The following NFILZ variants were observed in gnomAD, a reference collection of about 807,000 sequenced individuals.
NFILZ encodes the protein NFIL3 like basic leucine zipper, also known as NFIL3 like protein.
chr19:8,674,796 A>G (rs903718743), intron 4 of NFILZ, among the ~76,000 whole-genome samples, 196 bp downstream of exon 4: 1 of 152,146 alleles, frequency 6.6e-6, no homozygotes, highest in Non-Finnish European at 1.5e-5. Flanking sequence ...TCACATAACC[A>G]TGTAGCAACA....
At chr19:8,657,647 C>T (rs1047925494) in intron 3 of NFILZ, among the ~76,000 whole-genome samples, 2 of 152,238 alleles carry the variant, frequency 1.3e-5, no homozygotes, top group Non-Finnish European at 1.5e-5. Flanking sequence ...AAATCTCTCT[C>T]CGTCTCTACC....
intron 3 of NFILZ, 78 bp downstream of exon 3, chr19:8,635,824 T>A (rs2042891870): frequency 6.6e-6 from 1 of 152,014 alleles, no homozygotes; most frequent in African/African-American, 2.4e-5. Context: ...TCTTTCTCTC[T>A]TTATTTATTT....
chr19:8,647,900 C>T (rs1039837444), intron 3 of NFILZ, among the ~76,000 whole-genome samples: 13 of 150,930 alleles, frequency 8.6e-5, no homozygotes, highest in African/African-American at 2.9e-4. Flanking sequence ...AAGCCAGGTG[C>T]GGTGGCTCGT....
At chr19:8,654,317 T>TG (rs1555748094) in intron 3 of NFILZ, among the ~76,000 whole-genome samples, 3 of 19,806 alleles carry the variant, frequency 1.5e-4, no homozygotes, top group South Asian at 1.4e-3. Context: ...CAAAAGCTAC[T>TG]GAAAAAAAAA....
intron 3 of NFILZ, among the ~76,000 whole-genome samples, chr19:8,640,495 C>T (rs538557758): frequency 3.3e-5 from 5 of 152,064 alleles, no homozygotes; most frequent in South Asian, 2.1e-4. Flanking sequence ...TTAGGACACC[C>T]GGGGCCAATG....
rs566784509 is a variant in NFILZ at position 8,678,015 on chromosome 19, C to T, written c.*380C>T. On this transcript the variant is annotated 3_prime_UTR_variant, in exon 6 of 6. Coordinates refer to ENST00000691075, the MANE Select transcript of NFILZ (RefSeq NM_001378600.1). ...TTATCCATCCATCCATTAGTCCCTC[C>T]ATCCTTATCCATCTATCCATCCATC... Among the ~76,000 whole-genome samples the T allele has an allele frequency of 6.9e-6, 1 of 145,146 alleles. No individual in the cohort carries two copies. Among genetic ancestry groups the T allele is most frequent in the South Asian group, 2.2e-4 (1 of 4,502 alleles).
At chr19:8,673,014 G>A (rs1054682517) in intron 3 of NFILZ, among the ~76,000 whole-genome samples, 7 of 152,082 alleles carry the variant, frequency 4.6e-5, no homozygotes. Context: ...AAATGCTTGG[G>A]CGGGGACCAG....
intron 3 of NFILZ, among the ~76,000 whole-genome samples, chr19:8,656,278 CCTT>C: frequency 8.2e-6 from 1 of 121,676 alleles, no homozygotes; most frequent in Admixed American, 9.0e-5. Flanking sequence ...CTGAAGCCCA[CCTT>C]CTCCCCACAG....
chr19:8,650,404 C>T (rs1020464978), intron 3 of NFILZ, among the ~76,000 whole-genome samples: 4 of 151,982 alleles, frequency 2.6e-5, no homozygotes, highest in African/African-American at 9.7e-5. Flanking sequence ...CCTGTAATCC[C>T]AGCACTTTGG....
intron 3 of NFILZ, among the ~76,000 whole-genome samples, chr19:8,665,063 C>T (rs900211169): frequency 1.3e-5 from 2 of 152,102 alleles, no homozygotes; most frequent in Non-Finnish European, 2.9e-5. Flanking sequence ...ATATCTCACA[C>T]TCTTATATTT....
At chr19:8,655,595 G>T (rs1339116906) in intron 3 of NFILZ, among the ~76,000 whole-genome samples, 6 of 152,174 alleles carry the variant, frequency 3.9e-5, no homozygotes. Context: ...TGAGGCTCAC[G>T]TGGGACTCAC....
intron 3 of NFILZ, among the ~76,000 whole-genome samples, chr19:8,656,646 T>C (rs534833276): frequency 2.6e-5 from 4 of 152,282 alleles, no homozygotes; most frequent in East Asian, 3.9e-4. Flanking sequence ...ACAGCACAGC[T>C]GCCGCCGCCC....
intron 3 of NFILZ, among the ~76,000 whole-genome samples, chr19:8,652,585 T>G (rs2042969006): frequency 6.6e-6 from 1 of 152,220 alleles, no homozygotes; most frequent in Admixed American, 6.5e-5. Flanking sequence ...GGCAAGAAAA[T>G]AAAATGTTAC....
chr19:8,651,471 T>C (rs1555747720), intron 3 of NFILZ, among the ~76,000 whole-genome samples: 2 of 151,270 alleles, frequency 1.3e-5, no homozygotes, highest in Admixed American at 6.6e-5. Flanking sequence ...CTTCAATAAG[T>C]TATTGTTAAC....
At chr19:8,636,024 A>G (rs555053667) in intron 3 of NFILZ, among the ~76,000 whole-genome samples, 1 of 151,918 alleles carries the variant, frequency 6.6e-6, no homozygotes, top group Admixed American at 6.6e-5. Context: ...TTTAGTAGAG[A>G]GGGGGTTTCA....
chr19:8,672,666 C>G (rs1368567895), intron 3 of NFILZ, among the ~76,000 whole-genome samples: 1 of 152,084 alleles, frequency 6.6e-6, no homozygotes, highest in African/African-American at 2.4e-5. Flanking sequence ...TGCCAAAAAT[C>G]CATGCATTTA....
intron 3 of NFILZ, among the ~76,000 whole-genome samples, chr19:8,669,833 G>C (rs1555750132): frequency 6.6e-6 from 1 of 152,182 alleles, no homozygotes; most frequent in East Asian, 1.9e-4. Context: ...TGAGTGAAAA[G>C]TGAGATGTTC....
intron 3 of NFILZ, among the ~76,000 whole-genome samples, chr19:8,652,247 C>T (rs1474131802): frequency 1.3e-5 from 2 of 152,028 alleles, no homozygotes; most frequent in Non-Finnish European, 2.9e-5. Context: ...GGACTACAGG[C>T]GCCCGCCACC....
rs184575510 is a variant in NFILZ at position 8,642,067 on chromosome 19, C to G, written c.-164+6321C>G. On this transcript the variant is annotated intron_variant, in intron 3 of 5. Coordinates refer to ENST00000691075, the MANE Select transcript of NFILZ (RefSeq NM_001378600.1). The stretch of plus-strand genomic sequence containing the variant: ...ATGTTGGCCAGGCTGATCTTGAACT[C>G]TTGGGCTCAAGTGATCTTCCTGCCT... Among the ~76,000 whole-genome samples the G allele has an allele frequency of 3.9e-5, 6 of 152,148 alleles. No individual in the cohort carries two copies. The East Asian group carries it at 1.2e-3, about 29-fold the overall frequency.
Sources: gnomAD v4.1 joint callset for allele counts (sites outside exome capture counted in the v4.1 genomes callset) on GRCh38, gnomAD v4.1.1 for gene constraint, MANE v1.5 for transcripts, NCBI Gene and HGNC (gene_info 2026-07-23, HGNC 2026-07-21) for gene names.